DIP2C: variants seen among roughly 807,000 people sequenced by gnomAD.
The protein encoded by DIP2C is disco-interacting protein 2 homolog C.
A neutral mutation model predicts 192.4 loss-of-function variants in DIP2C; 33 were observed. That is an observed-to-expected ratio of 0.17 (90% CI 0.13 to 0.23). The LOEUF (loss-of-function observed/expected upper bound fraction) is 0.23, where lower values mean the gene tolerates loss of function less well. Among genes scored for constraint, DIP2C ranks in the 10% least tolerant of loss-of-function variants. The pLI is 1.00. For missense variants in DIP2C, 1,537 were observed against 2,110.1 expected (o/e 0.73, Z 5.32); for synonymous variants, 979 against 864.1 (o/e 1.13, Z -2.33).
In DIP2C at chr10:463,430, A is replaced by T. The variant is rs553603924; in HGVS notation, c.268+9009T>A. Among the ~76,000 whole-genome samples the T allele has an allele frequency of 2.6e-5, 4 of 152,300 alleles. No individual in the cohort carries two copies. In the East Asian group the frequency reaches 7.7e-4, roughly 29 times the overall value. On this transcript the variant is annotated intron_variant, in intron 3 of 36. Transcript: ENST00000280886. ...AGAGAATAAAATACCTAGGAATACAACTTACAAGGGATGTGAAGGACCTCT... is the reference window on the plus strand; with the variant it reads ...AGAGAATAAAATACCTAGGAATACATCTTACAAGGGATGTGAAGGACCTCT...
intron 6 of DIP2C, among the ~76,000 whole-genome samples, chr10:417,732 GCGCCTGT>G (rs1965784719): frequency 3.8e-5 from 5 of 132,942 alleles, no homozygotes; most frequent in African/African-American, 1.2e-4. Context: ...CTGTCTGCCT[GCGCCTGT>G]CAGGGCTCGG....
chr10:534,671 A>ATTT (rs398045806), intron 1 of DIP2C, among the ~76,000 whole-genome samples: 1 of 101,818 alleles, frequency 9.8e-6, no homozygotes, highest in South Asian at 3.2e-4. Context: ...GATGATTATT[A>ATTT]TTTTTTTTTT....
At chr10:605,757 T>C (rs1185162734) in intron 1 of DIP2C, among the ~76,000 whole-genome samples, 1 of 152,144 alleles carries the variant, frequency 6.6e-6, no homozygotes, top group Non-Finnish European at 1.5e-5. Flanking sequence ...AATTATGCAA[T>C]AAAAATGCCT....
At chr10:518,819 G>GTC (rs1846520845) in intron 1 of DIP2C, among the ~76,000 whole-genome samples, 1 of 152,198 alleles carries the variant, frequency 6.6e-6, no homozygotes, top group South Asian at 2.1e-4. Context: ...TAAAATCCCT[G>GTC]TCTCTCCTCA....
At chr10:411,253 G>A (rs754154430) in intron 8 of DIP2C, among the ~76,000 whole-genome samples, 5 of 152,240 alleles carry the variant, frequency 3.3e-5, no homozygotes, top group Non-Finnish European at 5.9e-5. Context: ...CCAGATGAAC[G>A]TATAGGTCTC....
chr10:337,765 TGTTC>T (rs1347830204), intron 29 of DIP2C, among the ~76,000 whole-genome samples: 5 of 148,796 alleles, frequency 3.4e-5, no homozygotes, highest in Admixed American at 6.7e-5. Context: ...TGTGTGTGTG[TGTTC>T]TGTGAAGGCC....
At position 411,759 on chromosome 10, in the gene DIP2C, T is replaced by C. The variant is rs539073642; in HGVS notation, c.1057+2154A>G. Among the ~76,000 whole-genome samples the C allele has an allele frequency of 1.2e-4, 18 of 152,356 alleles. No individual in the cohort carries two copies. The South Asian group carries it at 3.5e-3, about 30-fold the overall frequency. On this transcript the variant is annotated intron_variant, in intron 8 of 36. Transcript: ENST00000280886. ...TCACTCAGTATTAGAACAATTCTCATTCGACGAGCTTGTTTCTGACTCATC... is the reference window on the plus strand; with the variant it reads ...TCACTCAGTATTAGAACAATTCTCACTCGACGAGCTTGTTTCTGACTCATC...
chr10:674,830 A>G (rs1176575666), intron 1 of DIP2C, among the ~76,000 whole-genome samples: 3 of 144,934 alleles, frequency 2.1e-5, no homozygotes, highest in Admixed American at 1.4e-4. Flanking sequence ...AGAGAGAGAG[A>G]CCAACACAAC....
intron 1 of DIP2C, among the ~76,000 whole-genome samples, chr10:589,000 GTGC>G (rs1316762298): frequency 6.6e-6 from 1 of 152,180 alleles, no homozygotes; most frequent in Non-Finnish European, 1.5e-5. Context: ...CCACCACCTG[GTGC>G]TGAAGACCTT....
At chr10:418,236 G>GA (rs1965923249) in intron 6 of DIP2C, among the ~76,000 whole-genome samples, 1 of 127,658 alleles carries the variant, frequency 7.8e-6, no homozygotes, top group African/African-American at 3.2e-5. Flanking sequence ...TCAGGGCTTC[G>GA]ATAGGCCTCC....
intron 1 of DIP2C, among the ~76,000 whole-genome samples, chr10:682,496 A>G (rs1831170276): frequency 6.6e-6 from 1 of 152,162 alleles, no homozygotes; most frequent in Non-Finnish European, 1.5e-5. Context: ...AACTAAACCA[A>G]ACACCTGTAA....
At position 597,514 on chromosome 10, in the gene DIP2C, T is replaced by C. The variant is rs116695011; in HGVS notation, c.85+91980A>G. Among the ~76,000 whole-genome samples the C allele has an allele frequency of 2.9e-3, 447 of 152,298 alleles. 1 individual carries two copies. Among genetic ancestry groups the C allele is most frequent in the African/African-American group, 0.01 (420 of 41,562 alleles). ...GTGAATGGAGACCAATGGACAGAGG[T>C]GTGTGCCGAGGACACGCTGGGCAGC... is the stretch of plus-strand genomic sequence containing the variant. On this transcript the variant is annotated intron_variant, in intron 1 of 36. Transcript: ENST00000280886.
Position 488,712 on chromosome 10 carries a change from G to A in DIP2C, c.86-2182C>T, listed in dbSNP as rs755452736. On this transcript the variant is annotated intron_variant, in intron 1 of 36. Coordinates refer to ENST00000280886, the MANE Select transcript of DIP2C (RefSeq NM_014974.3). Reference sequence around the variant, plus strand: ...CCAGCCCCTGCCCTGCATGGATGACGCCTCTGGGTACCCACGGCATAAATC... The same window carrying A: ...CCAGCCCCTGCCCTGCATGGATGACACCTCTGGGTACCCACGGCATAAATC... Among the ~76,000 whole-genome samples the A allele has an allele frequency of 1.1e-3, 166 of 152,290 alleles. 1 individual carries two copies. The highest frequency in any genetic ancestry group is 5.6e-4 in the Non-Finnish European group (38 of 68,022).
At chr10:605,820 G>A (rs1852418194) in intron 1 of DIP2C, among the ~76,000 whole-genome samples, 3 of 152,246 alleles carry the variant, frequency 2.0e-5, no homozygotes, top group African/African-American at 7.2e-5. Flanking sequence ...GTAAGCCCAA[G>A]AAAGGAGGAA....
chr10:549,938 A>G (rs1848499310), intron 1 of DIP2C, among the ~76,000 whole-genome samples: 1 of 151,588 alleles, frequency 6.6e-6, no homozygotes. Flanking sequence ...GACAATGCAG[A>G]GTCCCCAACA....
intron 1 of DIP2C, among the ~76,000 whole-genome samples, chr10:682,635 C>A (rs1292061733): frequency 9.2e-5 from 14 of 151,432 alleles, no homozygotes; most frequent in Admixed American, 9.2e-4. Flanking sequence ...TACACAGAGA[C>A]AAAGACTGGA....
intron 18 of DIP2C, among the ~76,000 whole-genome samples, chr10:367,221 T>G (rs913254866): frequency 6.6e-6 from 1 of 151,970 alleles, no homozygotes; most frequent in Non-Finnish European, 1.5e-5. Context: ...ATCGAGACCA[T>G]CCTGGCTAAC....
chr10:527,279 C>T (rs1045302804), intron 1 of DIP2C, among the ~76,000 whole-genome samples: 1 of 152,296 alleles, frequency 6.6e-6, no homozygotes, highest in Admixed American at 6.5e-5. Context: ...ATGGCCTGGC[C>T]TCCCGACCCT....
intron 1 of DIP2C, among the ~76,000 whole-genome samples, chr10:653,145 C>T (rs1008003062): frequency 2.0e-5 from 3 of 151,970 alleles, no homozygotes; most frequent in Non-Finnish European, 4.4e-5. Context: ...ATATTCAATG[C>T]CACATTTAAA....
Sources: gnomAD v4.1 joint callset for allele counts (sites outside exome capture counted in the v4.1 genomes callset) on GRCh38, gnomAD v4.1.1 for gene constraint, MANE v1.5 for transcripts, NCBI Gene and HGNC (gene_info 2026-07-23, HGNC 2026-07-21) for gene names.